Variants in GNAO1 observed in about 807,000 individuals in gnomAD.
The protein encoded by GNAO1 is G protein subunit alpha o1.
For synonymous variants in GNAO1, 164 were observed against 180.7 expected (o/e 0.91, Z 0.74); for missense variants, 166 against 478.7 (o/e 0.35, Z 6.10).
chr16:56,230,779 C>G (rs2036582633), intron 2 of GNAO1, among the ~76,000 whole-genome samples: 1 of 152,166 alleles, frequency 6.6e-6, no homozygotes, highest in South Asian at 2.1e-4. Flanking sequence ...CTTTCCTCTT[C>G]CTGGAAACTG....
At chr16:56,315,740 G>C (rs1033522638) in intron 3 of GNAO1, among the ~76,000 whole-genome samples, 11 of 152,094 alleles carry the variant, frequency 7.2e-5, no homozygotes, top group African/African-American at 2.7e-4. Flanking sequence ...ACAGGCTTCT[G>C]TTGCTAATGA....
chr16:56,327,732 T>A (rs1447225422), intron 3 of GNAO1, among the ~76,000 whole-genome samples: 1 of 152,122 alleles, frequency 6.6e-6, no homozygotes, highest in Non-Finnish European at 1.5e-5. Context: ...ACTTTTTCTG[T>A]AATTTCAAGA....
At chr16:56,312,352 T>C (rs1187924014) in intron 3 of GNAO1, among the ~76,000 whole-genome samples, 1 of 152,244 alleles carries the variant, frequency 6.6e-6, no homozygotes, top group Non-Finnish European at 1.5e-5. Context: ...GTAAGCCTCC[T>C]GGTAAGTGCT....
intron 3 of GNAO1, among the ~76,000 whole-genome samples, chr16:56,289,421 G>A (rs1453993106): frequency 2.0e-5 from 3 of 152,188 alleles, no homozygotes; most frequent in African/African-American, 7.2e-5. Context: ...TGGGGACACC[G>A]GTGTGGACTG....
intron 5 of GNAO1, among the ~76,000 whole-genome samples, chr16:56,335,848 G>A (rs1397467377): frequency 6.6e-6 from 1 of 152,236 alleles, no homozygotes; most frequent in Non-Finnish European, 1.5e-5. Flanking sequence ...CAGATGGGGA[G>A]GTGGGATCCA....
chr16:56,309,609 A>G (rs564181278), intron 3 of GNAO1, among the ~76,000 whole-genome samples: 4 of 152,324 alleles, frequency 2.6e-5, no homozygotes, highest in African/African-American at 9.6e-5. Context: ...CAAGCACTGT[A>G]CATTCCCAGC....
At chr16:56,338,982 C>T (rs1176571885) in intron 6 of GNAO1, among the ~76,000 whole-genome samples, 1 of 152,254 alleles carries the variant, frequency 6.6e-6, no homozygotes, top group African/African-American at 2.4e-5. Context: ...CAAATGGAGC[C>T]AAGGTCACAG....
At position 56,222,944 on chromosome 16, in the gene GNAO1, T is replaced by C. The variant is rs13380504; in HGVS notation, c.161+30328T>C. ...ATGAGCTTTGCAGCGTGGTTGAGTA[T>C]CTGTGTTATATACAGAGACCCTGGT... On this transcript the variant is annotated intron_variant, in intron 2 of 8. Transcript: ENST00000262493. Among the ~76,000 whole-genome samples, 242 of 152,314 alleles carry C rather than the reference T, an allele frequency of 1.6e-3. 2 individuals carry two copies. Among genetic ancestry groups the C allele is most frequent in the African/African-American group, 5.1e-3 (210 of 41,566 alleles).
At chr16:56,264,401 T>C (rs1392256987) in intron 2 of GNAO1, among the ~76,000 whole-genome samples, 1 of 152,182 alleles carries the variant, frequency 6.6e-6, no homozygotes, top group Non-Finnish European at 1.5e-5. Context: ...CACTGTGAGC[T>C]GAGGGAAAGG....
At chr16:56,207,234 C>T (rs2036338721) in intron 2 of GNAO1, among the ~76,000 whole-genome samples, 1 of 152,174 alleles carries the variant, frequency 6.6e-6, no homozygotes, top group East Asian at 1.9e-4. Context: ...TGTTGGCTAT[C>T]AGTGTGATTT....
chr16:56,265,913 G>A (rs1410428745), intron 2 of GNAO1, among the ~76,000 whole-genome samples: 2 of 152,056 alleles, frequency 1.3e-5, no homozygotes, highest in Non-Finnish European at 2.9e-5. Context: ...CACTCACTAG[G>A]TTCAAGCCCT....
At chr16:56,306,339 G>A (rs2037395978) in intron 3 of GNAO1, among the ~76,000 whole-genome samples, 1 of 152,256 alleles carries the variant, frequency 6.6e-6, no homozygotes, top group Non-Finnish European at 1.5e-5. Flanking sequence ...AATCTGCAGA[G>A]TTTAGGCAGG....
intron 3 of GNAO1, among the ~76,000 whole-genome samples, chr16:56,308,740 C>T (rs1160726991): frequency 6.6e-6 from 1 of 152,084 alleles, no homozygotes; most frequent in African/African-American, 2.4e-5. Context: ...GAACCGGCAC[C>T]CACGGGGCTG....
intron 2 of GNAO1, among the ~76,000 whole-genome samples, chr16:56,259,980 ACAC>A (rs2036888196): frequency 6.6e-6 from 1 of 152,228 alleles, no homozygotes; most frequent in Non-Finnish European, 1.5e-5. Flanking sequence ...GCTCTTGAGA[ACAC>A]CCATGTTTGA....
At chr16:56,267,358 C>A (rs540705715) in intron 2 of GNAO1, among the ~76,000 whole-genome samples, 4 of 152,332 alleles carry the variant, frequency 2.6e-5, no homozygotes, top group African/African-American at 9.6e-5. Context: ...GAACGGCAGA[C>A]CCGTGCCAGT....
intron 2 of GNAO1, among the ~76,000 whole-genome samples, chr16:56,205,230 GA>G (rs1422855959): frequency 6.6e-6 from 1 of 152,188 alleles, no homozygotes; most frequent in Non-Finnish European, 1.5e-5. Context: ...GTTCCACAGG[GA>G]GAAGTGCTGA....
At chr16:56,344,242 C>A in intron 6 of GNAO1, 1 of 1,358,178 alleles carries the variant, frequency 7.4e-7, no homozygotes, top group East Asian at 2.9e-5. Context: ...GGGGACAGGG[C>A]AGGGCCCAGA....
chr16:56,336,852 G>A lies in GNAO1; in HGVS notation c.715G>A (p.Glu239Lys). Residue 239 changes from glutamate (E) to lysine (K), a missense_variant, in exon 6 of 9, where the codon GAA (glutamate) becomes AAA (lysine). Glu to Lys is a moderately conservative substitution (Grantham distance 56, BLOSUM62 1). Coordinates refer to ENST00000262493, the MANE Select transcript of GNAO1 (RefSeq NM_020988.3). The part of the protein sequence containing the change: ...SGYDQVLHED[E>K]TTNRMHESLM... The stretch of plus-strand genomic sequence containing the variant: ...CTATGACCAGGTGCTCCACGAAGAC[G>A]AAACCACGGTGAGTGGCCTGGGCCC... 3 of 1,611,044 alleles carry A rather than the reference G, an allele frequency of 1.9e-6. No homozygotes were observed. The highest frequency in any genetic ancestry group is 2.5e-6 in the Non-Finnish European group (3 of 1,179,440).
At chr16:56,299,397 A>T (rs1468721826) in intron 3 of GNAO1, among the ~76,000 whole-genome samples, 1 of 152,198 alleles carries the variant, frequency 6.6e-6, no homozygotes, top group Non-Finnish European at 1.5e-5. Flanking sequence ...TAACTCTCTC[A>T]AATAAAAGCC....
Sources: gnomAD v4.1 joint callset for allele counts (sites outside exome capture counted in the v4.1 genomes callset) on GRCh38, gnomAD v4.1.1 for gene constraint, MANE v1.5 for transcripts, NCBI Gene and HGNC (gene_info 2026-07-23, HGNC 2026-07-21) for gene names.